The following DLC1 variants were observed in gnomAD, a reference collection of about 807,000 sequenced individuals.
The protein encoded by DLC1 is rho GTPase-activating protein 7.
A neutral mutation model predicts 140.3 loss-of-function variants in DLC1; 54 were observed. That is an observed-to-expected ratio of 0.38 (90% confidence interval 0.31 to 0.48). The LOEUF is 0.48. Ranked by LOEUF, DLC1 falls within the 20% of genes least tolerant of loss-of-function variation. The probability of loss-of-function intolerance (pLI) is 0.96; values close to 1 mark genes in which losing one functional copy is unlikely to be tolerated. For missense variants in DLC1, 2,536 were observed against 1,907.0 expected, an observed-to-expected ratio of 1.33 and a Z score of -6.14; for synonymous variants, 986 against 728.1, an observed-to-expected ratio of 1.35 and a Z score of -5.70.
At chr8:13,280,616 G>A (rs113038485) in intron 5 of DLC1, among the ~76,000 whole-genome samples, 88 of 152,204 alleles carry the variant, frequency 5.8e-4, no homozygotes, top group Middle Eastern at 3.4e-3. Flanking sequence ...ATTTTATAGT[G>A]TTTCTAGGTT....
chr8:13,553,581 G>C (rs1367964981), intron 1 of DLC1, among the ~76,000 whole-genome samples: 1 of 151,704 alleles, frequency 6.6e-6, no homozygotes, highest in African/African-American at 2.4e-5. Flanking sequence ...CAAACTCCTG[G>C]GCTCTGACAG....
At chr8:13,247,719 T>C (rs1385402883) in intron 5 of DLC1, among the ~76,000 whole-genome samples, 1 of 152,208 alleles carries the variant, frequency 6.6e-6, no homozygotes, top group African/African-American at 2.4e-5. Context: ...TTTGAAGATA[T>C]GTGGAAAATA....
At chr8:13,256,088 C>G (rs1476846519) in intron 5 of DLC1, among the ~76,000 whole-genome samples, 1 of 152,120 alleles carries the variant, frequency 6.6e-6, no homozygotes, top group Non-Finnish European at 1.5e-5. Flanking sequence ...CCCAAGGTCT[C>G]AAGAGCTAGT....
intron 5 of DLC1, among the ~76,000 whole-genome samples, chr8:13,270,409 T>C (rs957684337): frequency 3.3e-5 from 5 of 152,186 alleles, no homozygotes; most frequent in African/African-American, 1.2e-4. Context: ...GCATATTTTT[T>C]CCCATACCAC....
chr8:13,243,635 GTTTCTC>G (rs1829635675), intron 5 of DLC1, among the ~76,000 whole-genome samples: 1 of 152,016 alleles, frequency 6.6e-6, no homozygotes, highest in African/African-American at 2.4e-5. Flanking sequence ...CTAGATCTTT[GTTTCTC>G]TTTGTCACTG....
intron 5 of DLC1, among the ~76,000 whole-genome samples, chr8:13,274,351 C>A (rs908621921): frequency 1.3e-5 from 2 of 152,210 alleles, no homozygotes; most frequent in African/African-American, 4.8e-5. Context: ...AAAGTCTTTT[C>A]CTTTCAAGCA....
intron 2 of DLC1, among the ~76,000 whole-genome samples, chr8:13,443,316 C>G (rs1485156952): frequency 6.9e-6 from 1 of 145,546 alleles, no homozygotes; most frequent in Non-Finnish European, 1.5e-5. Flanking sequence ...AACTAACCTG[C>G]ACTTTGTGCA....
chr8:13,344,065 T>A (rs1407162792), intron 4 of DLC1, among the ~76,000 whole-genome samples: 1 of 152,218 alleles, frequency 6.6e-6, no homozygotes, highest in African/African-American at 2.4e-5. Flanking sequence ...GAACCTATGT[T>A]ACTGTCCTAC....
chr8:13,490,024 C>T (rs972646851), intron 2 of DLC1, among the ~76,000 whole-genome samples: 3 of 141,006 alleles, frequency 2.1e-5, no homozygotes, highest in Non-Finnish European at 3.1e-5. Flanking sequence ...TTTCCAGGGG[C>T]ATGAAAGGCT....
intron 2 of DLC1, among the ~76,000 whole-genome samples, chr8:13,457,782 C>T (rs943309083): frequency 4.0e-5 from 6 of 151,764 alleles, no homozygotes; most frequent in Non-Finnish European, 5.9e-5. Flanking sequence ...CCCTGATTCC[C>T]GATGATCCCT....
At chr8:13,115,440 TGGGGGTC>T (rs1820466854) in intron 6 of DLC1, 139 bp downstream of exon 6, 1 of 724,698 alleles carries the variant, frequency 1.4e-6, no homozygotes, top group South Asian at 2.5e-5. Flanking sequence ...TTTTCAGCGG[TGGGGGTC>T]TTGCATGCTT....
intron 5 of DLC1, among the ~76,000 whole-genome samples, chr8:13,171,456 G>A (rs2116929178): frequency 6.6e-6 from 1 of 152,196 alleles, no homozygotes; most frequent in East Asian, 1.9e-4. Context: ...AGACTGGAGT[G>A]CATAGCTCAC....
chr8:13,592,224 T>C (rs1274216558), intron 1 of DLC1, among the ~76,000 whole-genome samples: 1 of 152,138 alleles, frequency 6.6e-6, no homozygotes, highest in Non-Finnish European at 1.5e-5. Context: ...CTAGAAATTT[T>C]CGATTCAAGT....
chr8:13,213,332 C>G (rs1277942472), intron 5 of DLC1, among the ~76,000 whole-genome samples: 2 of 152,158 alleles, frequency 1.3e-5, no homozygotes, highest in Non-Finnish European at 2.9e-5. Context: ...CTATAATACA[C>G]TTTATATCTT....
chr8:13,120,664 G>A (rs1820986204), intron 5 of DLC1, among the ~76,000 whole-genome samples: 1 of 151,936 alleles, frequency 6.6e-6, no homozygotes, highest in Admixed American at 6.6e-5. Flanking sequence ...TTATACCTGG[G>A]TTTTCTCTAA....
At chr8:13,519,115 A>G (rs1422257662), upstream of DLC1, among the ~76,000 whole-genome samples, 2 of 149,578 alleles carry the variant, frequency 1.3e-5, no homozygotes, top group Non-Finnish European at 3.0e-5. Context: ...TACATTAGGT[A>G]TATCTCCTAA....
intron 5 of DLC1, among the ~76,000 whole-genome samples, chr8:13,255,585 A>G (rs115740468): frequency 6.6e-6 from 1 of 152,220 alleles, no homozygotes; most frequent in Admixed American, 6.5e-5. Flanking sequence ...ACAGCTTTCT[A>G]CTTTAGCCAA....
chr8:13,578,114 T>TGGC (rs1804911094), intron 1 of DLC1, among the ~76,000 whole-genome samples: 1 of 152,120 alleles, frequency 6.6e-6, no homozygotes, highest in Admixed American at 6.5e-5. Context: ...CCCTGGGAGT[T>TGGC]GGCTCCTTTC....
At chr8:13,320,777 G>T (rs532218469) in intron 4 of DLC1, among the ~76,000 whole-genome samples, 1 of 152,292 alleles carries the variant, frequency 6.6e-6, no homozygotes, top group South Asian at 2.1e-4. Context: ...AACTTCAGGA[G>T]TCCAAGGCAG....
Sources: allele counts gnomAD v4.1 joint callset (sites outside exome capture counted in the v4.1 genomes callset), GRCh38; gene constraint gnomAD v4.1.1; transcripts MANE v1.5; gene names NCBI Gene and HGNC (gene_info 2026-07-23, HGNC 2026-07-21).